The following ATRN variants were observed in gnomAD, a reference collection of about 807,000 sequenced individuals.
ATRN encodes attractin, also known as attractin-2.
A neutral mutation model predicts 178.7 loss-of-function variants in ATRN; 54 were observed. That is an observed-to-expected ratio of 0.30 (90% CI 0.24 to 0.38). The LOEUF (loss-of-function observed/expected upper bound fraction) is 0.38. Among genes scored for constraint, ATRN ranks in the 10% least tolerant of loss-of-function variants. The probability of loss-of-function intolerance (pLI) is 1.00; values close to 1 mark genes in which losing one functional copy is unlikely to be tolerated. For synonymous variants in ATRN, 636 were observed against 663.0 expected (o/e 0.96, Z 0.63); for missense variants, 1,443 against 1,815.1 (o/e 0.79, Z 3.73).
chr20:3,611,629 C>G (rs965892497), intron 24 of ATRN, among the ~76,000 whole-genome samples: 5 of 152,182 alleles, frequency 3.3e-5, no homozygotes, highest in African/African-American at 1.2e-4. Context: ...ATAGTCCCAG[C>G]TACTCAGGAT....
At chr20:3,518,084 A>G (rs1425543407) in intron 1 of ATRN, among the ~76,000 whole-genome samples, 1 of 152,240 alleles carries the variant, frequency 6.6e-6, no homozygotes, top group Non-Finnish European at 1.5e-5. Context: ...TTCTGTACAT[A>G]CAAGCAACTT....
intron 1 of ATRN, among the ~76,000 whole-genome samples, chr20:3,498,298 T>C (rs2084908897): frequency 6.6e-6 from 1 of 152,124 alleles, no homozygotes; most frequent in South Asian, 2.1e-4. Flanking sequence ...TTCCAGTCAA[T>C]AGAAAAAGAG....
chr20:3,605,950 A>G (rs1432840217), intron 24 of ATRN, among the ~76,000 whole-genome samples: 23 of 152,228 alleles, frequency 1.5e-4, no homozygotes, highest in Non-Finnish European at 7.3e-5. Flanking sequence ...ATCAATTAGG[A>G]TGCCTTGGGA....
At chr20:3,573,579 T>A (rs547065475) in intron 12 of ATRN, among the ~76,000 whole-genome samples, 1 of 152,186 alleles carries the variant, frequency 6.6e-6, no homozygotes, top group Admixed American at 6.5e-5. Context: ...AACAGTGATA[T>A]CAAGACAGAC....
chr20:3,484,909 A>AATTATTATTATTATTATT (rs11470490), intron 1 of ATRN, among the ~76,000 whole-genome samples: 1 of 143,972 alleles, frequency 6.9e-6, no homozygotes, highest in African/African-American at 2.6e-5. Context: ...TGGATTTTAA[A>AATTATTATTATTATTATT]ATTATTATTA....
chr20:3,577,741 G>A (rs900540292), intron 14 of ATRN, among the ~76,000 whole-genome samples: 1 of 152,126 alleles, frequency 6.6e-6, no homozygotes, highest in Admixed American at 6.5e-5. Flanking sequence ...GGAATCTTGC[G>A]AAAGGCATAT....
In ATRN at chr20:3,547,612, T is replaced by G. The variant is rs2085725118; in HGVS notation, c.943+123T>G. ...ATATTAATCAAATACGAGGTAGCAT[T>G]TAAGCTTGAAACATCCCTCTATCTA... On this transcript the variant is annotated intron_variant, in intron 5 of 28. Coordinates refer to ENST00000262919, the MANE Select transcript of ATRN (RefSeq NM_139321.3). 3 of 867,170 alleles carry G rather than the reference T, an allele frequency of 3.5e-6. No homozygotes were observed. The East Asian group carries it at 8.0e-5, about 23-fold the overall frequency. The allele number at this position is 867,170 out of a possible 1,614,324, so 53.7% of individuals were successfully genotyped here.
chr20:3,478,773 C>T (rs1182723412), intron 1 of ATRN, among the ~76,000 whole-genome samples: 1 of 152,086 alleles, frequency 6.6e-6, no homozygotes, highest in East Asian at 1.9e-4. Flanking sequence ...TTTCACATCC[C>T]TTTTTTTCCT....
Position 3,488,916 on chromosome 20 carries a change from G to A in ATRN, c.410+17399G>A, listed in dbSNP as rs371340743. 6.6e-5 allele frequency among the ~76,000 whole-genome samples: 10 copies of A among 152,212 alleles called. 1 individual carries two copies. In the East Asian group the frequency reaches 1.4e-3, roughly 21 times the overall value. On this transcript the variant is annotated intron_variant, in intron 1 of 28. Transcript: ENST00000262919. ...AATGCTTTATAATTTTCTATGCAGAGGTCTTGTAGATCTCTTTCCAAGATA... is the reference window on the plus strand; with the variant it reads ...AATGCTTTATAATTTTCTATGCAGAAGTCTTGTAGATCTCTTTCCAAGATA...
intron 22 of ATRN, among the ~76,000 whole-genome samples, chr20:3,599,336 A>T (rs1206885737): frequency 6.6e-6 from 1 of 152,194 alleles, no homozygotes; most frequent in Non-Finnish European, 1.5e-5. Flanking sequence ...TAATGTCATT[A>T]AAAAAATAAA....
At chr20:3,479,832 C>G (rs2084594376) in intron 1 of ATRN, among the ~76,000 whole-genome samples, 1 of 152,144 alleles carries the variant, frequency 6.6e-6, no homozygotes, top group Admixed American at 6.5e-5. Context: ...GCCTCCGTCC[C>G]TTCAATCTCA....
chr20:3,558,457 A>AT (rs2085907598), intron 6 of ATRN, among the ~76,000 whole-genome samples: 1 of 151,950 alleles, frequency 6.6e-6, no homozygotes, highest in African/African-American at 2.4e-5. Context: ...GTTTTTCAAG[A>AT]TTTTTTAAAT....
At chr20:3,534,645 G>A (rs888304233) in intron 1 of ATRN, among the ~76,000 whole-genome samples, 8 of 152,272 alleles carry the variant, frequency 5.3e-5, no homozygotes, top group East Asian at 3.9e-4. Context: ...AGGAAATAGC[G>A]TCCTTCTTAA....
intron 1 of ATRN, among the ~76,000 whole-genome samples, chr20:3,529,217 T>C (rs1050517688): frequency 3.3e-5 from 5 of 152,048 alleles, no homozygotes; most frequent in Non-Finnish European, 7.4e-5. Flanking sequence ...TTATACCAAA[T>C]GTGGGAACTG....
intron 11 of ATRN, among the ~76,000 whole-genome samples, chr20:3,571,930 C>T (rs1289016662): frequency 6.6e-6 from 1 of 151,912 alleles, no homozygotes; most frequent in Non-Finnish European, 1.5e-5. Flanking sequence ...CATTCTTCTA[C>T]TGCTTGTGTG....
intron 24 of ATRN, among the ~76,000 whole-genome samples, chr20:3,612,204 T>C (rs985769497): frequency 4.6e-5 from 7 of 152,210 alleles, no homozygotes; most frequent in Non-Finnish European, 8.8e-5. Context: ...ACTGTTGATA[T>C]ACAGAAACAC....
At chr20:3,630,848 C>G (rs2086983858) in intron 25 of ATRN, among the ~76,000 whole-genome samples, 2 of 138,144 alleles carry the variant, frequency 1.4e-5, no homozygotes, top group African/African-American at 5.4e-5. Flanking sequence ...AATAGAGTTA[C>G]TTTCATGGCA....
At chr20:3,626,724 C>T (rs1433240379) in intron 25 of ATRN, among the ~76,000 whole-genome samples, 1 of 151,906 alleles carries the variant, frequency 6.6e-6, no homozygotes, top group East Asian at 1.9e-4. Flanking sequence ...TACCATTTAC[C>T]TGACTTCTCA....
In ATRN at chr20:3,649,820, AT is replaced by A. The variant is rs2087133444; in HGVS notation, c.*2978del. The A allele has an allele frequency of 6.6e-6, 1 of 152,204 alleles. No homozygotes were observed. The highest frequency in any genetic ancestry group is 1.5e-5 in the Non-Finnish European group (1 of 68,040). The allele number at this position is 152,204 out of a possible 1,614,324, so 9.4% of individuals were successfully genotyped here. The stretch of plus-strand genomic sequence containing the variant: ...CTCCATTTTTTGTAGTTTTGTCTAA[AT>A]TTTTAATGACCATTTCCTGGAATCA... On this transcript the variant is annotated 3_prime_UTR_variant, in exon 29 of 29. Coordinates refer to ENST00000262919, the MANE Select transcript of ATRN (RefSeq NM_139321.3).
Sources: gnomAD v4.1 joint callset for allele counts (sites outside exome capture counted in the v4.1 genomes callset) on GRCh38, gnomAD v4.1.1 for gene constraint, MANE v1.5 for transcripts, NCBI Gene and HGNC (gene_info 2026-07-23, HGNC 2026-07-21) for gene names.